The following CATSPERB variants were observed in gnomAD, a reference collection of about 807,000 sequenced individuals.
CATSPERB encodes the protein cation channel sperm-associated auxiliary subunit beta.
Under a neutral mutation model 128.3 loss-of-function variants are expected in CATSPERB, and 93 were observed. The ratio of observed to expected loss-of-function variants is 0.72; its 90% CI spans 0.61 to 0.86. The LOEUF (loss-of-function observed/expected upper bound fraction) is 0.86. Ranked by LOEUF, CATSPERB falls within the 40% of genes least tolerant of loss-of-function variation. CATSPERB has a pLI of 0.00. For missense variants in CATSPERB, 1,153 were observed against 1,329.5 expected (o/e 0.87, Z 2.06); for synonymous variants, 381 against 448.8 (o/e 0.85, Z 1.91).
rs190447486 is a variant in CATSPERB at position 91,630,546 on chromosome 14, G to A, written c.1743-5539C>T. Among the ~76,000 whole-genome samples the A allele has an allele frequency of 1.8e-3, 270 of 152,238 alleles. 1 individual carries two copies. Among genetic ancestry groups the A allele is most frequent in the East Asian group, 0.011 (56 of 5,180 alleles). On this transcript the variant is annotated intron_variant, in intron 17 of 26. Coordinates refer to ENST00000256343, the MANE Select transcript of CATSPERB (RefSeq NM_024764.4). ...TTTCGTCTCGGAAAATGGCGGTAGCGTCCTTCTAGCTACAAACCACAAACC... is the reference window on the plus strand; with the variant it reads ...TTTCGTCTCGGAAAATGGCGGTAGCATCCTTCTAGCTACAAACCACAAACC...
intron 22 of CATSPERB, among the ~76,000 whole-genome samples, chr14:91,599,596 C>T (rs1305459417): frequency 6.6e-6 from 1 of 150,624 alleles, no homozygotes; most frequent in Non-Finnish European, 1.5e-5. Context: ...GTTGAGGATG[C>T]ACCCGTGACA....
At chr14:91,612,414 G>A (rs866667016) in intron 20 of CATSPERB, among the ~76,000 whole-genome samples, 1 of 152,158 alleles carries the variant, frequency 6.6e-6, no homozygotes, top group African/African-American at 2.4e-5. Context: ...GCCTCCCAAA[G>A]TGTTGGGAAC....
At chr14:91,693,842 T>C (rs1386113465) in intron 7 of CATSPERB, among the ~76,000 whole-genome samples, 2 of 152,160 alleles carry the variant, frequency 1.3e-5, no homozygotes, top group Non-Finnish European at 2.9e-5. Context: ...TGAAGGCAAT[T>C]GAGAATCAAT....
chr14:91,643,460 G>A (rs1448206451), intron 15 of CATSPERB, among the ~76,000 whole-genome samples: 2 of 117,386 alleles, frequency 1.7e-5, no homozygotes, highest in Non-Finnish European at 3.5e-5. Context: ...CCTTCATTTC[G>A]TTATGTATCC....
At chr14:91,688,759 T>C (rs1895416819) in intron 10 of CATSPERB, among the ~76,000 whole-genome samples, 9 of 152,228 alleles carry the variant, frequency 5.9e-5, no homozygotes, top group Admixed American at 5.9e-4. Flanking sequence ...CCAGGAAGTA[T>C]TTTTATGCTG....
chr14:91,672,022 A>AAACAACAACAAC (rs35442642), intron 13 of CATSPERB, among the ~76,000 whole-genome samples: 8 of 150,026 alleles, frequency 5.3e-5, no homozygotes, highest in African/African-American at 1.7e-4. Context: ...TCTGTCTCAA[A>AAACAACAACAAC]AACAACAACA....
chr14:91,726,197 G>A lies in CATSPERB; in HGVS notation c.80-1029C>T, dbSNP rs1011209420. ...GGACAAGGACCTGGGTACCAAGAAG[G>A]CACTGAGCTGGTAAACACTTAAACC... is the stretch of plus-strand genomic sequence containing the variant. On this transcript the variant is annotated intron_variant, in intron 2 of 26. Coordinates refer to ENST00000256343, the MANE Select transcript of CATSPERB (RefSeq NM_024764.4). Among the ~76,000 whole-genome samples the A allele has an allele frequency of 2.0e-5, 3 of 152,186 alleles. No homozygotes were observed. The South Asian group carries it at 6.2e-4, about 32-fold the overall frequency.
At chr14:91,723,969 GAGT>G (rs1896076907) in intron 3 of CATSPERB, among the ~76,000 whole-genome samples, 1 of 152,208 alleles carries the variant, frequency 6.6e-6, no homozygotes, top group Non-Finnish European at 1.5e-5. Flanking sequence ...GGGAGGTTGA[GAGT>G]GCAGGAGTTT....
chr14:91,671,324 A>G (rs1728488634), intron 13 of CATSPERB, among the ~76,000 whole-genome samples: 1 of 152,154 alleles, frequency 6.6e-6, no homozygotes, highest in Admixed American at 6.5e-5. Flanking sequence ...CTGCAATTCC[A>G]GCACTTTGGG....
At chr14:91,614,281 C>G (rs1389052865) in intron 20 of CATSPERB, among the ~76,000 whole-genome samples, 2 of 110,554 alleles carry the variant, frequency 1.8e-5, no homozygotes, top group African/African-American at 2.9e-5. Flanking sequence ...TCCAGGTAGT[C>G]TTCTCTAGGG....
chr14:91,583,425 A>G (rs1366811059), intron 26 of CATSPERB, among the ~76,000 whole-genome samples: 1 of 152,226 alleles, frequency 6.6e-6, no homozygotes, highest in Admixed American at 6.5e-5. Flanking sequence ...TCTCAAAAAA[A>G]AAAATTTTCA....
chr14:91,630,045 GCCAATGAAA>G (rs1158447474), intron 17 of CATSPERB, among the ~76,000 whole-genome samples: 1 of 152,134 alleles, frequency 6.6e-6, no homozygotes, highest in South Asian at 2.1e-4. Flanking sequence ...TCCACTCCAT[GCCAATGAAA>G]CTGTTTTCAT....
chr14:91,688,776 A>C (rs1214419449), intron 10 of CATSPERB, among the ~76,000 whole-genome samples: 1 of 152,194 alleles, frequency 6.6e-6, no homozygotes, highest in East Asian at 1.9e-4. Context: ...GCTGCACTTG[A>C]AGCTCTTTAT....
chr14:91,635,526 T>G (rs1360733586), intron 17 of CATSPERB: 1 of 152,074 alleles, frequency 6.6e-6, no homozygotes, highest in Non-Finnish European at 1.5e-5. Flanking sequence ...CTGGCTAATT[T>G]TTTTTATTTT....
chr14:91,652,670 CAAAAAAAAAAAAAAAAAAA>C lies in CATSPERB; in HGVS notation c.1432+7148_1432+7166del, dbSNP rs58608847. Among the ~76,000 whole-genome samples, 87 of 69,214 alleles carry C rather than the reference CAAAAAAAAAAAAAAAAAAA, an allele frequency of 1.3e-3. 1 individual carries two copies. Among genetic ancestry groups the C allele is most frequent in the African/African-American group, 5.0e-3 (84 of 16,722 alleles). The allele number at this position is 69,214 out of a possible 152,430, so 45.4% of individuals were successfully genotyped here. A position where few individuals can be genotyped will look rare whatever the true frequency, so the allele number is the denominator to read the frequency against. On this transcript the variant is annotated intron_variant, in intron 15 of 26. Transcript: ENST00000256343. Reference sequence around the variant, plus strand: ...TGAGCAACAGAGCAAGACTCTGTCTCAAAAAAAAAAAAAAAAAAAAAAAAAAAAAAAAAAAGAAATGCAG... The same window carrying C: ...TGAGCAACAGAGCAAGACTCTGTCTCAAAAAAAAAAAAAAAAGAAATGCAG...
intron 5 of CATSPERB, among the ~76,000 whole-genome samples, chr14:91,713,548 G>T (rs571710714): frequency 6.6e-6 from 1 of 152,068 alleles, no homozygotes; most frequent in Non-Finnish European, 1.5e-5. Context: ...AAACAACTCC[G>T]TGTCCGTAGA....
At chr14:91,616,216 A>G (rs969298904) in intron 20 of CATSPERB, among the ~76,000 whole-genome samples, 2 of 152,150 alleles carry the variant, frequency 1.3e-5, no homozygotes, top group African/African-American at 4.8e-5. Flanking sequence ...ACTAATTTAC[A>G]TTCTCAGCAA....
chr14:91,667,689 G>A (rs1895010927), intron 14 of CATSPERB, among the ~76,000 whole-genome samples: 1 of 152,180 alleles, frequency 6.6e-6, no homozygotes, highest in Admixed American at 6.5e-5. Context: ...TGAGAAAGGA[G>A]GACTCTGCAC....
At chr14:91,634,284 C>G (rs893351362) in intron 17 of CATSPERB, among the ~76,000 whole-genome samples, 10 of 152,084 alleles carry the variant, frequency 6.6e-5, no homozygotes. Context: ...AGATCTTCAT[C>G]CTAGTCATCT....
Sources: allele counts gnomAD v4.1 joint callset (sites outside exome capture counted in the v4.1 genomes callset), GRCh38; gene constraint gnomAD v4.1.1; transcripts MANE v1.5; gene names NCBI Gene and HGNC (gene_info 2026-07-23, HGNC 2026-07-21).